Variants in PLCH1 observed in about 807,000 individuals in gnomAD.
The protein encoded by PLCH1 is 1-phosphatidylinositol 4,5-bisphosphate phosphodiesterase eta-1.
In PLCH1, 60 loss-of-function variants were observed where a neutral mutation model predicts 126.7. That is an observed-to-expected ratio of 0.47 (90% CI 0.38 to 0.59). The LOEUF (loss-of-function observed/expected upper bound fraction) is 0.59, where lower values mean the gene tolerates loss of function less well. Among genes scored for constraint, PLCH1 ranks in the 20% least tolerant of loss-of-function variants. The probability of loss-of-function intolerance (pLI) is 0.00; values close to 1 mark genes in which losing one functional copy is unlikely to be tolerated. For missense variants in PLCH1, 1,723 were observed against 2,040.0 expected (o/e 0.84, Z 2.99); for synonymous variants, 719 against 734.9 (o/e 0.98, Z 0.35).
chr3:155,481,729 C>T lies in PLCH1; in HGVS notation c.4297G>A (p.Gly1433Ser). 1 of 1,614,150 alleles carries T rather than the reference C, an allele frequency of 6.2e-7. No homozygotes were observed. The highest frequency in any genetic ancestry group is 8.5e-7 in the Non-Finnish European group (1 of 1,180,036). ...TCTGAGAAATGATTATGCACAAAGCCAGCACCCTGATAGGCTAGATAAGAA... is the reference window on the plus strand; with the variant it reads ...TCTGAGAAATGATTATGCACAAAGCTAGCACCCTGATAGGCTAGATAAGAA... ...SISYLAYQGA[G>S]FVHNHFSDSD... Residue 1433 changes from glycine (G) to serine (S), a missense_variant, in exon 23 of 23, where the codon GGC (glycine) becomes AGC (serine). Gly to Ser is a moderately conservative substitution (Grantham distance 56). This residue lies in a region of PLCH1 where 947 missense variants were observed against 977.1 expected (regional missense o/e 0.97). Coordinates refer to ENST00000460012, the MANE Select transcript of PLCH1 (RefSeq NM_014996.4). This position sits in a 1 kb window ranked among gnomAD's most constrained non-coding sequence, Gnocchi z 4.2.
At chr3:155,700,049 T>A (rs781279726) in intron 2 of PLCH1, among the ~76,000 whole-genome samples, 9 of 152,154 alleles carry the variant, frequency 5.9e-5, no homozygotes, top group Non-Finnish European at 1.0e-4. Context: ...CCTCACACCT[T>A]GCTGCTATAA....
chr3:155,589,506 G>C (rs359561), intron 4 of PLCH1, among the ~76,000 whole-genome samples: 94,085 of 151,884 alleles, frequency 0.62, 30,210 homozygotes, highest in Middle Eastern at 0.76. Context: ...CTCCTGGATT[G>C]GGAGTGGGCC....
intron 8 of PLCH1, among the ~76,000 whole-genome samples, chr3:155,555,912 T>C (rs751549201): frequency 6.6e-6 from 1 of 152,072 alleles, no homozygotes; most frequent in Non-Finnish European, 1.5e-5. Context: ...CAATGGGAAA[T>C]GTGTGCCTGA....
intron 1 of PLCH1, among the ~76,000 whole-genome samples, chr3:155,728,789 C>T (rs1230777898): frequency 6.6e-6 from 1 of 151,994 alleles, no homozygotes; most frequent in Non-Finnish European, 1.5e-5. Flanking sequence ...AAAGTGGGCA[C>T]ACAATACTGA....
At chr3:155,534,258 C>T (rs1723058523) in intron 10 of PLCH1, among the ~76,000 whole-genome samples, 1 of 152,190 alleles carries the variant, frequency 6.6e-6, no homozygotes, top group African/African-American at 2.4e-5. Flanking sequence ...ACCATAGGAG[C>T]TCACCTCTTG....
At chr3:155,677,440 A>C (rs1040251915) in intron 2 of PLCH1, among the ~76,000 whole-genome samples, 8 of 152,256 alleles carry the variant, frequency 5.3e-5, no homozygotes, top group Non-Finnish European at 1.2e-4. Context: ...AATTAAATAC[A>C]TGATGAAAAT....
At chr3:155,534,493 A>G (rs546050858) in intron 10 of PLCH1, among the ~76,000 whole-genome samples, 1 of 152,314 alleles carries the variant, frequency 6.6e-6, no homozygotes, top group Admixed American at 6.5e-5. Context: ...CCTAGGCAGA[A>G]GGGACTTCCC....
intron 2 of PLCH1, among the ~76,000 whole-genome samples, chr3:155,656,015 A>G (rs898313164): frequency 6.6e-6 from 1 of 152,172 alleles, no homozygotes; most frequent in Non-Finnish European, 1.5e-5. Flanking sequence ...AACAGCAGAT[A>G]CGTTTAAAAG....
intron 1 of PLCH1, among the ~76,000 whole-genome samples, chr3:155,728,349 A>AT (rs1468187433): frequency 3.3e-5 from 5 of 152,020 alleles, no homozygotes; most frequent in African/African-American, 1.2e-4. Flanking sequence ...AACTGCTGAT[A>AT]TTTTTTTCGC....
intron 2 of PLCH1, among the ~76,000 whole-genome samples, chr3:155,625,729 A>T (rs1349774334): frequency 6.6e-6 from 1 of 152,240 alleles, no homozygotes; most frequent in African/African-American, 2.4e-5. Context: ...TCAGGAAACA[A>T]CAGATGCTGG....
chr3:155,704,309 C>G (rs1183921119), intron 1 of PLCH1, 45 bp from the exon 2 acceptor site: 1 of 489,172 alleles, frequency 2.0e-6, no homozygotes, highest in Non-Finnish European at 3.2e-6. Context: ...AAAACGGCAG[C>G]CACACGCTCA....
chr3:155,506,520 A>G, intron 12 of PLCH1, among the ~76,000 whole-genome samples: 1 of 82,014 alleles, frequency 1.2e-5, no homozygotes, highest in African/African-American at 4.9e-5. Flanking sequence ...ACCCCACCAC[A>G]GTCCCCAGAG....
rs752400094 is a variant in PLCH1, at chr3:155,523,879, G to C, written c.1470+18C>G. ...CAGCATATCAAGGATAAAAAATATG[G>C]TCATGCCTGCAACTTACATAATGGA... On this transcript the variant is annotated intron_variant, in intron 11 of 22. Coordinates refer to ENST00000460012, the MANE Select transcript of PLCH1 (RefSeq NM_014996.4). The C allele has an allele frequency of 2.8e-6, 4 of 1,408,960 alleles. No homozygotes were observed. The highest frequency in any genetic ancestry group is 2.3e-5 in the East Asian group (1 of 43,360). The allele number at this position is 1,408,960 out of a possible 1,614,324, so 87.3% of individuals were successfully genotyped here. A position where few individuals can be genotyped will look rare whatever the true frequency, so the allele number is the denominator to read the frequency against.
intron 2 of PLCH1, among the ~76,000 whole-genome samples, chr3:155,650,337 T>A (rs1740574235): frequency 6.6e-6 from 1 of 152,140 alleles, no homozygotes; most frequent in South Asian, 2.1e-4. Flanking sequence ...AAATGCATTA[T>A]CTGTATATGA....
intron 1 of PLCH1, among the ~76,000 whole-genome samples, chr3:155,720,950 T>C (rs1322698288): frequency 6.6e-6 from 1 of 152,204 alleles, no homozygotes; most frequent in Admixed American, 6.5e-5. Context: ...GGTTTGACAT[T>C]TATTCCAGCA....
chr3:155,605,699 C>T (rs1257111424), intron 2 of PLCH1, among the ~76,000 whole-genome samples: 1 of 152,190 alleles, frequency 6.6e-6, no homozygotes. Flanking sequence ...TTTGCAATGG[C>T]AGCCCGAGTT....
intron 2 of PLCH1, among the ~76,000 whole-genome samples, chr3:155,686,339 G>A (rs1388312554): frequency 1.3e-5 from 2 of 152,198 alleles, no homozygotes; most frequent in African/African-American, 4.8e-5. Flanking sequence ...TAGAATCTAA[G>A]TCAATAAATA....
At chr3:155,601,813 C>T (rs951898561) in intron 2 of PLCH1, among the ~76,000 whole-genome samples, 2 of 152,142 alleles carry the variant, frequency 1.3e-5, no homozygotes, top group Non-Finnish European at 2.9e-5. Flanking sequence ...AATCACACAA[C>T]ATTTCCATTA....
At chr3:155,463,270 A>G (rs1486612456) in intron 21 of PLCH1, among the ~76,000 whole-genome samples, 1 of 152,240 alleles carries the variant, frequency 6.6e-6, no homozygotes, top group African/African-American at 2.4e-5. Flanking sequence ...TTTCTCTCTT[A>G]TATTTTCAAC....
Sources: allele counts gnomAD v4.1 joint callset (sites outside exome capture counted in the v4.1 genomes callset), GRCh38; gene constraint gnomAD v4.1.1; regional missense constraint gnomAD v4.1.1; non-coding constraint Gnocchi (gnomAD v3.1); transcripts MANE v1.5; gene names NCBI Gene and HGNC (gene_info 2026-07-23, HGNC 2026-07-21).